Variants in ZFHX3 observed in about 807,000 individuals in gnomAD.
The protein encoded by ZFHX3 is zinc finger homeobox protein 3.
ZFHX3 carries 42 observed loss-of-function variants against 279.1 expected under a neutral mutation model. The observed-to-expected ratio is 0.15, with a 90% CI of 0.12 to 0.19. ZFHX3 has a LOEUF of 0.19. ZFHX3 is among the 10% of genes least tolerant of loss of function. ZFHX3 has a pLI of 1.00. For synonymous variants in ZFHX3, 2,293 were observed against 1,957.8 expected (o/e 1.17, Z -4.52); for missense variants, 4,981 against 4,754.0 (o/e 1.05, Z -1.40).
chr16:73,148,401 GAAATTCTACAGC>G (rs1266310446), intron 5 of ZFHX3, among the ~76,000 whole-genome samples: 1 of 152,136 alleles, frequency 6.6e-6, no homozygotes, highest in Non-Finnish European at 1.5e-5. Context: ...ATGGTTGGTA[GAAATTCTACAGC>G]AATTTCCATG....
At chr16:73,333,711 G>A (rs1214760267) in intron 3 of ZFHX3, among the ~76,000 whole-genome samples, 1 of 148,130 alleles carries the variant, frequency 6.8e-6, no homozygotes, top group East Asian at 2.0e-4. Flanking sequence ...AAAAGGAGAA[G>A]GCAGATGTGA....
chr16:73,263,574 C>G (rs2013883619), intron 4 of ZFHX3, among the ~76,000 whole-genome samples: 1 of 152,170 alleles, frequency 6.6e-6, no homozygotes, highest in South Asian at 2.1e-4. Flanking sequence ...TCCCTCTCCT[C>G]CCAGAAGCAG....
intron 1 of ZFHX3, among the ~76,000 whole-genome samples, chr16:72,997,220 C>T (rs543435899): frequency 9.9e-5 from 15 of 152,178 alleles, no homozygotes; most frequent in Non-Finnish European, 2.2e-4. Context: ...TAAGATCTGT[C>T]TTGCATATCA....
chr16:72,794,965 G>C lies in ZFHX3; in HGVS notation c.7717C>G (p.Pro2573Ala), dbSNP rs1379527440. 6 of 1,614,168 alleles carry C rather than the reference G, an allele frequency of 3.7e-6. No homozygotes were observed. Among genetic ancestry groups the C allele is most frequent in the Non-Finnish European group, 4.2e-6 (5 of 1,180,036 alleles). ...PQFLDRSLDM[P>A]FMLFDPSNPL... ...TTACTGGGATCAAAGAGCATGAAAGGCATATCCAGGGACCTGTCCAAAAAC... is the reference window on the plus strand; with the variant it reads ...TTACTGGGATCAAAGAGCATGAAAGCCATATCCAGGGACCTGTCCAAAAAC... The change falls in exon 9 of 10, where the codon CCT becomes GCT. Residue 2573 changes from proline (P) to alanine (A), a missense_variant. Physicochemically the swap from Pro to Ala is conservative, Grantham distance 27 (BLOSUM62 -1). Transcript: ENST00000268489. This position sits in a 1 kb window ranked among gnomAD's most constrained non-coding sequence, Gnocchi z 4.2.
intron 2 of ZFHX3, among the ~76,000 whole-genome samples, chr16:73,607,364 C>T (rs1567531897): frequency 6.6e-6 from 1 of 152,298 alleles, no homozygotes; most frequent in East Asian, 1.9e-4. Context: ...GTATTCCATG[C>T]TGTATATGTA....
At chr16:73,315,470 T>A (rs2143178467) in intron 4 of ZFHX3, among the ~76,000 whole-genome samples, 1 of 152,276 alleles carries the variant, frequency 6.6e-6, no homozygotes, top group South Asian at 2.1e-4. Flanking sequence ...TTGCCAGATT[T>A]CCATTAATAC....
intron 3 of ZFHX3, among the ~76,000 whole-genome samples, chr16:73,366,559 C>T (rs915529023): frequency 6.8e-5 from 10 of 146,776 alleles, no homozygotes; most frequent in Non-Finnish European, 1.3e-4. Context: ...TAGTGAGACC[C>T]TCTCTCTACA....
At chr16:73,719,363 G>A (rs758559778) in intron 1 of ZFHX3, among the ~76,000 whole-genome samples, 3 of 152,284 alleles carry the variant, frequency 2.0e-5, no homozygotes, top group East Asian at 1.9e-4. Flanking sequence ...TGGCACCTGC[G>A]TGGTCACCAG....
chr16:72,986,274 C>T lies in ZFHX3; in HGVS notation c.-49-26080G>A, dbSNP rs576849264. On this transcript the variant is annotated intron_variant, in intron 1 of 9. Coordinates refer to ENST00000268489, the MANE Select transcript of ZFHX3 (RefSeq NM_006885.4). Reference sequence around the variant, plus strand: ...ACAGCCACTCAGGGCCTTCAGATTTCCTCCTTAGGACCCGCCATGTGATAA... The same window carrying T: ...ACAGCCACTCAGGGCCTTCAGATTTTCTCCTTAGGACCCGCCATGTGATAA... 6.2e-4 allele frequency among the ~76,000 whole-genome samples: 95 copies of T among 152,284 alleles called. 1 individual carries two copies. The Middle Eastern group carries it at 0.01, about 16-fold the overall frequency.
At chr16:72,840,768 C>G (rs1004179243) in intron 4 of ZFHX3, among the ~76,000 whole-genome samples, 4 of 152,216 alleles carry the variant, frequency 2.6e-5, no homozygotes, top group Non-Finnish European at 5.9e-5. Context: ...CAGTGGACAG[C>G]AGAATGAGGA....
At position 73,073,199 on chromosome 16, in the gene ZFHX3, C is replaced by G. The variant is rs181842499; in HGVS notation, c.-532-14187G>C. The stretch of plus-strand genomic sequence containing the variant: ...GGCGTGAGCTACCGTGCCCAGCCTC[C>G]TATTACTTAAGACACATTTCTAGTA... On this transcript the variant is annotated intron_variant, in intron 8 of 17. Coordinates refer to the ZFHX3 transcript ENST00000641206. Among the ~76,000 whole-genome samples, 5 of 152,104 alleles carry G rather than the reference C, an allele frequency of 3.3e-5. No homozygotes were observed. In the East Asian group the frequency reaches 9.8e-4, roughly 30 times the overall value.
rs116734041 is a variant in ZFHX3 at position 73,412,630 on chromosome 16, C to T, written c.-1291+43373G>A. On this transcript the variant is annotated intron_variant, in intron 3 of 17. Transcript: ENST00000641206. ...CTGCCGATGGCCTGAGAGAAGAGGCCGATGAACCCCTGGGGCTGCTATTAG... is the reference window on the plus strand; with the variant it reads ...CTGCCGATGGCCTGAGAGAAGAGGCTGATGAACCCCTGGGGCTGCTATTAG... Among the ~76,000 whole-genome samples, 477 of 152,266 alleles carry T rather than the reference C, an allele frequency of 3.1e-3. 3 individuals are homozygous for T. Among genetic ancestry groups the T allele is most frequent in the African/African-American group, 0.011 (437 of 41,560 alleles).
intron 6 of ZFHX3, among the ~76,000 whole-genome samples, chr16:73,133,831 C>T (rs1036013071): frequency 1.3e-5 from 2 of 152,172 alleles, no homozygotes; most frequent in East Asian, 1.9e-4. Context: ...CAGTAATCCC[C>T]AAGAAAGTAT....
intron 1 of ZFHX3, among the ~76,000 whole-genome samples, chr16:73,718,139 G>A (rs534210620): frequency 3.2e-4 from 49 of 152,300 alleles, no homozygotes; most frequent in Non-Finnish European, 4.3e-4. Flanking sequence ...AGCTGGGCAC[G>A]GTGGCTCACG....
intron 5 of ZFHX3, among the ~76,000 whole-genome samples, chr16:73,237,422 A>G (rs1482635381): frequency 6.6e-6 from 1 of 151,852 alleles, no homozygotes; most frequent in Non-Finnish European, 1.5e-5. Flanking sequence ...ATTTTTTTTA[A>G]AAGATGGGGT....
In ZFHX3 at chr16:72,843,513, T is replaced by TA. The variant is rs59007764; in HGVS notation, c.3449-13655dup. The stretch of plus-strand genomic sequence containing the variant: ...CTGGGCGACAGAGCGAGACTCCGTC[T>TA]AAAAAAAAAAAAAAAAAAAAAAAAA... On this transcript the variant is annotated intron_variant, in intron 4 of 9. Coordinates refer to ENST00000268489, the MANE Select transcript of ZFHX3 (RefSeq NM_006885.4). Among the ~76,000 whole-genome samples, 339 of 39,412 alleles carry TA rather than the reference T, an allele frequency of 8.6e-3. 12 individuals carry two copies. Among genetic ancestry groups the TA allele is most frequent in the South Asian group, 0.016 (15 of 940 alleles). 25.9% of individuals were successfully genotyped at this position (39,412 alleles called of 152,430 possible).
chr16:72,799,861 T>A (rs1378673993), intron 8 of ZFHX3, among the ~76,000 whole-genome samples, 166 bp downstream of exon 8: 8 of 152,234 alleles, frequency 5.3e-5, no homozygotes, highest in Non-Finnish European at 1.2e-4. Context: ...TACAAATACA[T>A]GCCAAGAAGC....
chr16:73,308,926 T>C (rs1283851136), intron 4 of ZFHX3, among the ~76,000 whole-genome samples: 28 of 151,882 alleles, frequency 1.8e-4, no homozygotes, highest in Non-Finnish European at 2.9e-5. Context: ...ACAATCAAGC[T>C]AAGAATTTGG....
At chr16:72,955,302 T>C (rs1283571485) in intron 2 of ZFHX3, among the ~76,000 whole-genome samples, 3 of 152,146 alleles carry the variant, frequency 2.0e-5, no homozygotes, top group Admixed American at 6.5e-5. Flanking sequence ...CTAAGAAATA[T>C]GGTGTGGCCC....
Sources: allele counts gnomAD v4.1 joint callset (sites outside exome capture counted in the v4.1 genomes callset), GRCh38; gene constraint gnomAD v4.1.1; non-coding constraint Gnocchi (gnomAD v3.1); transcripts MANE v1.5; gene names NCBI Gene and HGNC (gene_info 2026-07-23, HGNC 2026-07-21).